Variants in CNTN5 observed in about 807,000 individuals in gnomAD.
CNTN5 encodes the protein contactin-5.
In CNTN5, 77 loss-of-function variants were observed where a neutral mutation model predicts 129.1. The ratio of observed to expected loss-of-function variants is 0.60; its 90% confidence interval spans 0.50 to 0.72. The LOEUF is 0.72. CNTN5 is among the 30% of genes least tolerant of loss of function. CNTN5 has a pLI of 0.00. For synonymous variants in CNTN5, 509 were observed against 465.6 expected, an observed-to-expected ratio of 1.09 and a Z score of -1.20; for missense variants, 1,478 against 1,328.8, an observed-to-expected ratio of 1.11 and a Z score of -1.75.
At chr11:100,092,243 G>A (rs963271564) in intron 13 of CNTN5, among the ~76,000 whole-genome samples, 1 of 152,022 alleles carries the variant, frequency 6.6e-6, no homozygotes, top group Admixed American at 6.6e-5. Context: ...CTGATTATCT[G>A]GTCAACTGAA....
intron 3 of CNTN5, among the ~76,000 whole-genome samples, chr11:99,575,315 G>A (rs756295783): frequency 2.6e-5 from 4 of 152,126 alleles, no homozygotes; most frequent in African/African-American, 7.2e-5. Flanking sequence ...GATGCTGTTG[G>A]CAGTGGTCTG....
At chr11:99,237,128 T>C (rs1432005439) in intron 1 of CNTN5, among the ~76,000 whole-genome samples, 5 of 152,256 alleles carry the variant, frequency 3.3e-5, no homozygotes, top group African/African-American at 4.8e-5. Flanking sequence ...TTTAATTTGT[T>C]ATTTTCAACA....
At chr11:99,201,022 CTT>C (rs755605041) in intron 1 of CNTN5, among the ~76,000 whole-genome samples, 55 of 83,176 alleles carry the variant, frequency 6.6e-4, no homozygotes, top group Middle Eastern at 9.8e-3. Context: ...TCCTTCCTTC[CTT>C]TTTTTTTTTT....
chr11:99,912,478 C>T (rs769099477), intron 6 of CNTN5, among the ~76,000 whole-genome samples: 1 of 151,720 alleles, frequency 6.6e-6, no homozygotes, highest in African/African-American at 2.4e-5. Flanking sequence ...ATAACCAGTA[C>T]CTAACACAGT....
intron 1 of CNTN5, among the ~76,000 whole-genome samples, chr11:99,299,428 A>G (rs1864527533): frequency 6.6e-6 from 1 of 152,208 alleles, no homozygotes; most frequent in Non-Finnish European, 1.5e-5. Flanking sequence ...AGGGCTCAAA[A>G]CAGATTTGAA....
At chr11:99,699,425 C>G (rs1366537489) in intron 3 of CNTN5, among the ~76,000 whole-genome samples, 1 of 151,436 alleles carries the variant, frequency 6.6e-6, no homozygotes, top group African/African-American at 2.4e-5. Context: ...ACACACATAT[C>G]TCAAATTTCT....
chr11:99,661,628 C>T (rs538738502), intron 3 of CNTN5, among the ~76,000 whole-genome samples: 2 of 152,042 alleles, frequency 1.3e-5, no homozygotes, highest in South Asian at 4.2e-4. Context: ...TGCCGGGTAT[C>T]CAGCAGTGTG....
intron 9 of CNTN5, among the ~76,000 whole-genome samples, chr11:100,038,847 T>G (rs1942196928): frequency 6.6e-6 from 1 of 152,208 alleles, no homozygotes; most frequent in South Asian, 2.1e-4. Flanking sequence ...CCCTTTATTT[T>G]GAGCCTGTGT....
intron 23 of CNTN5, among the ~76,000 whole-genome samples, chr11:100,346,531 A>C (rs1952285013): frequency 1.3e-5 from 2 of 152,188 alleles, no homozygotes; most frequent in Non-Finnish European, 2.9e-5. Context: ...ACAAACAAAA[A>C]CTGTTATCCC....
At chr11:99,367,885 A>C (rs1939555755) in intron 2 of CNTN5, among the ~76,000 whole-genome samples, 1 of 152,186 alleles carries the variant, frequency 6.6e-6, no homozygotes. Context: ...CAAAGAGTTC[A>C]TTGCCATAAT....
intron 2 of CNTN5, among the ~76,000 whole-genome samples, chr11:99,380,194 T>C (rs1940452543): frequency 6.6e-6 from 1 of 152,078 alleles, no homozygotes; most frequent in Non-Finnish European, 1.5e-5. Context: ...TGAAGAAATA[T>C]TTGTCCTTTG....
intron 2 of CNTN5, among the ~76,000 whole-genome samples, chr11:99,468,344 TC>T (rs1945027244): frequency 1.3e-5 from 2 of 152,298 alleles, no homozygotes; most frequent in Admixed American, 1.3e-4. Flanking sequence ...TAGCATAGTA[TC>T]AACACAAACT....
At chr11:99,042,712 T>A (rs1341162014) in intron 1 of CNTN5, among the ~76,000 whole-genome samples, 1 of 152,092 alleles carries the variant, frequency 6.6e-6, no homozygotes, top group Non-Finnish European at 1.5e-5. Flanking sequence ...CAACTCTTAT[T>A]TCATGTATTT....
chr11:99,233,706 G>C (rs146870830), intron 1 of CNTN5, among the ~76,000 whole-genome samples: 8 of 152,240 alleles, frequency 5.3e-5, no homozygotes, highest in South Asian at 4.1e-4. Flanking sequence ...CCAGCACTTT[G>C]GGAGGCCGAG....
At chr11:99,913,969 A>G (rs1166867967) in intron 6 of CNTN5, among the ~76,000 whole-genome samples, 3 of 152,120 alleles carry the variant, frequency 2.0e-5, no homozygotes, top group South Asian at 2.1e-4. Flanking sequence ...AGATATTAAA[A>G]TCAAGCATGG....
intron 3 of CNTN5, among the ~76,000 whole-genome samples, chr11:99,793,524 T>C (rs888082628): frequency 3.3e-5 from 5 of 152,232 alleles, no homozygotes; most frequent in Non-Finnish European, 7.3e-5. Flanking sequence ...GTTGATAATT[T>C]GAGATCTTGC....
intron 3 of CNTN5, among the ~76,000 whole-genome samples, chr11:99,597,455 G>A (rs538667727): frequency 1.7e-4 from 26 of 151,950 alleles, no homozygotes; most frequent in East Asian, 7.7e-4. Flanking sequence ...TTTCAAGCCC[G>A]TCCAAAGAGT....
At chr11:99,366,272 G>A (rs543291839) in intron 2 of CNTN5, among the ~76,000 whole-genome samples, 59 of 152,204 alleles carry the variant, frequency 3.9e-4, no homozygotes, top group African/African-American at 1.3e-3. Context: ...TGTGGTTAAC[G>A]ATTTTGCTAC....
At chr11:99,959,786 A>C (rs1950893601) in intron 8 of CNTN5, among the ~76,000 whole-genome samples, 1 of 152,222 alleles carries the variant, frequency 6.6e-6, no homozygotes, top group South Asian at 2.1e-4. Flanking sequence ...AAAACAAAAA[A>C]ACCAGGTAGG....
Sources: gnomAD v4.1 joint callset for allele counts (sites outside exome capture counted in the v4.1 genomes callset) on GRCh38, gnomAD v4.1.1 for gene constraint, MANE v1.5 for transcripts, NCBI Gene and HGNC (gene_info 2026-07-23, HGNC 2026-07-21) for gene names.